Variants in ROS1 observed in about 807,000 individuals in gnomAD.
ROS1 encodes proto-oncogene tyrosine-protein kinase ROS.
ROS1 carries 263 observed loss-of-function variants against 273.5 expected under a neutral mutation model. That is an observed-to-expected ratio of 0.96 (90% confidence interval 0.87 to 1.06). ROS1 has a LOEUF of 1.06. Among genes scored for constraint, ROS1 ranks in the 50% least tolerant of loss-of-function variants. The pLI, the probability that ROS1 is intolerant of heterozygous loss-of-function variation, is 0.00. For synonymous variants in ROS1, 1,008 were observed against 954.1 expected (o/e 1.06, Z -1.04); for missense variants, 2,833 against 2,751.1 (o/e 1.03, Z -0.67).
At chr6:117,396,134 C>T (rs1404029083) in intron 9 of ROS1, 54 bp downstream of exon 9, 7 of 1,440,336 alleles carry the variant, frequency 4.9e-6, no homozygotes, top group Non-Finnish European at 6.8e-6. Flanking sequence ...GGCTCTGAAA[C>T]CACCCTTGCC....
rs1562361378 is a variant in ROS1 at position 117,396,168 on chromosome 6, G to A, written c.883+20C>T. The A allele has an allele frequency of 6.2e-7, 1 of 1,604,154 alleles. No homozygotes were observed. Among genetic ancestry groups the A allele is most frequent in the Middle Eastern group, 1.7e-4 (1 of 6,030 alleles). ...CCACCCTCATTCCTGTGTAGCTAAA[G>A]GAAGAAGCCTGACCCATACCTGCTG... On this transcript the variant is annotated intron_variant, in intron 9 of 43. Transcript: ENST00000368507.
intron 32 of ROS1, among the ~76,000 whole-genome samples, chr6:117,329,964 G>A (rs1411382005): frequency 6.6e-6 from 1 of 152,184 alleles, no homozygotes; most frequent in Non-Finnish European, 1.5e-5. Context: ...CTGGGGGAGG[G>A]GTGACCAGCA....
intron 12 of ROS1, 55 bp downstream of exon 12, chr6:117,393,169 A>G: frequency 9.4e-7 from 1 of 1,059,186 alleles, no homozygotes; most frequent in South Asian, 1.3e-5. Context: ...CAAGTTTCTC[A>G]AAGATTATTT....
In ROS1 at chr6:117,344,249, C is replaced by A. The variant is rs1038379380; in HGVS notation, c.4317G>T (p.Leu1439=). The part of the protein sequence containing the change: ...VMQPFPDKAF[L]SLASDTVEPT... ...GTTCCACAGTGTCTGAAGCTAGAGA[C>A]AGAAACGCTTTATCTAAAATAAGAA... is the stretch of plus-strand genomic sequence containing the variant. Residue 1439 remains leucine, a synonymous_variant, in exon 28 of 44, where the codon CTG becomes CTT. Coordinates refer to ENST00000368507, the MANE Select transcript of ROS1 (RefSeq NM_001378902.1). 3 of 1,613,174 alleles carry A rather than the reference C, an allele frequency of 1.9e-6. No individual in the cohort carries two copies. The highest frequency in any genetic ancestry group is 2.5e-6 in the Non-Finnish European group (3 of 1,179,380).
chr6:117,367,872 C>G (rs577372175), intron 18 of ROS1, among the ~76,000 whole-genome samples: 1 of 152,092 alleles, frequency 6.6e-6, no homozygotes, highest in Non-Finnish European at 1.5e-5. Flanking sequence ...AATGAACAGC[C>G]AGGCATAACA....
chr6:117,303,397 A>T (rs1774885665), intron 42 of ROS1, among the ~76,000 whole-genome samples: 1 of 152,238 alleles, frequency 6.6e-6, no homozygotes. Flanking sequence ...CAGAGGTGAC[A>T]TTTAAGCCAA....
In ROS1 at chr6:117,329,356, C is replaced by T. The variant is rs1410132066; in HGVS notation, c.5321G>A (p.Arg1774Lys). 1 of 1,553,874 alleles carries T rather than the reference C, an allele frequency of 6.4e-7. No individual in the cohort carries two copies. ...TATCTCAAGGATATAGTATGTAATT[C>T]TACATCCATTATCTTCAGCTTTCTC... Reference protein sequence around the residue: ...QWEKAEDNGCRITYYILEIRK... With the variant: ...QWEKAEDNGCKITYYILEIRK... Residue 1774 changes from arginine to lysine, a missense_variant, in exon 33 of 44, where the codon AGA becomes AAA. By Grantham distance (26) the Arg-to-Lys change is conservative (BLOSUM62 2). Coordinates refer to ENST00000368507, the MANE Select transcript of ROS1 (RefSeq NM_001378902.1).
chr6:117,332,430 G>A (rs1777148986), intron 32 of ROS1, among the ~76,000 whole-genome samples: 1 of 152,204 alleles, frequency 6.6e-6, no homozygotes. Flanking sequence ...GTATTAGACA[G>A]ATCAACAAGA....
In ROS1 at chr6:117,402,125, C is replaced by T. The variant is rs1387816272; in HGVS notation, c.604+1014G>A. On this transcript the variant is annotated intron_variant, in intron 7 of 43. Transcript: ENST00000368507. The stretch of plus-strand genomic sequence containing the variant: ...CTCCTCAAAACCTTACAGTGACTCT[C>T]CTTCCAGAATAAAAGCCACATTCCT... 2.6e-5 allele frequency among the ~76,000 whole-genome samples: 4 copies of T among 152,162 alleles called. No homozygotes were observed. The South Asian group carries it at 6.2e-4, about 24-fold the overall frequency.
rs554606784 is a variant in ROS1 at position 117,396,973 on chromosome 6, C to T, written c.748G>A (p.Ala250Thr). ...RLISKNQKLD[A>T]GTQRTSFQFY... ...TGGAAACTGGTTCTCTGTGTCCCTG[C>T]ATCTAATTTTTGATTTTTGCTGATC... The change falls in exon 8 of 44, where the codon GCA becomes ACA. Residue 250 changes from alanine to threonine, a missense_variant. Transcript: ENST00000368507. 6.2e-7 allele frequency: 1 copy of T among 1,614,082 alleles called. No homozygotes were observed. Among genetic ancestry groups the T allele is most frequent in the South Asian group, 1.1e-5 (1 of 91,072 alleles).
intron 19 of ROS1, 118 bp from the exon 20 acceptor site, chr6:117,365,859 TTTTC>T (rs1024164683): frequency 3.0e-6 from 3 of 998,782 alleles, no homozygotes; most frequent in African/African-American, 3.3e-5. Flanking sequence ...AAAATTTTTC[TTTTC>T]TTTAACATAT....
intron 18 of ROS1, among the ~76,000 whole-genome samples, chr6:117,377,676 A>T (rs78634420): frequency 0.039 from 5,879 of 152,312 alleles, 176 homozygotes; most frequent in Non-Finnish European, 0.058. Flanking sequence ...AAAACACAGA[A>T]AGCACAGAAT....
rs115679891 is a variant in ROS1, at chr6:117,304,223, G to A, written c.6552-3086C>T. ...TATAACCTGTGCCATTTAGAAATGG[G>A]GATGATACAAAGATGTCAATGAAGG... On this transcript the variant is annotated intron_variant, in intron 42 of 43. Coordinates refer to ENST00000368507, the MANE Select transcript of ROS1 (RefSeq NM_001378902.1). Among the ~76,000 whole-genome samples the A allele has an allele frequency of 1.2e-3, 179 of 152,148 alleles. 1 individual carries two copies. The highest frequency in any genetic ancestry group is 4.0e-3 in the African/African-American group (168 of 41,492).
intron 43 of ROS1, among the ~76,000 whole-genome samples, chr6:117,300,047 C>T (rs1194467010): frequency 1.4e-5 from 2 of 139,968 alleles, no homozygotes; most frequent in Admixed American, 7.3e-5. Flanking sequence ...CTCAGCCTCC[C>T]GAGTAGCTGG....
rs753269776 is a variant in ROS1 at position 117,386,843 on chromosome 6, TG to T, written c.2110+45del. 6.2e-6 allele frequency: 6 copies of T among 961,718 alleles called. No individual in the cohort carries two copies. The Admixed American group carries it at 1.0e-4, about 16-fold the overall frequency. The allele number at this position is 961,718 out of a possible 1,614,324, so 59.6% of individuals were successfully genotyped here. On this transcript the variant is annotated intron_variant, in intron 15 of 43. Coordinates refer to ENST00000368507, the MANE Select transcript of ROS1 (RefSeq NM_001378902.1). ...TCATTGAATGATGTGGGAAGTCTTA[TG>T]AGTAGAAATCTGTCATTCAAGTGAA...
At chr6:117,299,884 G>C (rs1484980258) in intron 43 of ROS1, among the ~76,000 whole-genome samples, 4 of 151,172 alleles carry the variant, frequency 2.6e-5, no homozygotes, top group Non-Finnish European at 5.9e-5. Flanking sequence ...AAAAGGCTTA[G>C]TCTGTCCATT....
chr6:117,316,409 A>T (rs1038062720), intron 39 of ROS1, among the ~76,000 whole-genome samples: 7 of 150,668 alleles, frequency 4.6e-5, no homozygotes, highest in Admixed American at 6.7e-5. Flanking sequence ...TGATATAAAA[A>T]TTTTTTTAAT....
At chr6:117,388,116 G>T (rs562836631) in intron 13 of ROS1, 124 bp from the exon 14 acceptor site, 25 of 1,400,480 alleles carry the variant, frequency 1.8e-5, no homozygotes, top group Non-Finnish European at 2.5e-5. Context: ...AGTAATATCC[G>T]CTACCCCGAT....
chr6:117,414,025 G>GAAAGC (rs113524515), intron 4 of ROS1, among the ~76,000 whole-genome samples: 1 of 151,286 alleles, frequency 6.6e-6, no homozygotes. Flanking sequence ...AGAAAGAGAG[G>GAAAGC]AAGAAAGCAA....
Sources: gnomAD v4.1 joint callset for allele counts (sites outside exome capture counted in the v4.1 genomes callset) on GRCh38, gnomAD v4.1.1 for gene constraint, MANE v1.5 for transcripts, NCBI Gene and HGNC (gene_info 2026-07-23, HGNC 2026-07-21) for gene names.